Variants in NCK2 observed in about 807,000 individuals in gnomAD.
NCK2 encodes the protein NCK adaptor protein 2, also known as cytoplasmic protein NCK2.
A neutral mutation model predicts 33.9 loss-of-function variants in NCK2; 16 were observed. That is an observed-to-expected ratio of 0.47 (90% CI 0.32 to 0.72). The LOEUF (loss-of-function observed/expected upper bound fraction) is 0.72, where lower values mean the gene tolerates loss of function less well. NCK2 is among the 30% of genes least tolerant of loss of function. The pLI, the probability that NCK2 is intolerant of heterozygous loss-of-function variation, is 0.03. For synonymous variants in NCK2, 273 were observed against 239.9 expected (o/e 1.14, Z -1.27); for missense variants, 418 against 537.3 (o/e 0.78, Z 2.19).
rs2104583015 is a variant in NCK2, at chr2:105,854,944, A to G, written c.-16-104A>G. 3.9e-6 allele frequency: 3 copies of G among 761,962 alleles called. No homozygotes were observed. In the East Asian group the frequency reaches 8.0e-5, roughly 20 times the overall value. 47.2% of individuals were successfully genotyped at this position (761,962 alleles called of 1,614,324 possible). Reference sequence around the variant, plus strand: ...CAAGACCCAGGAGAAAACTGGTTGCAGAGTTGTAATAAAAGCTGTCAGTGC... The same window carrying G: ...CAAGACCCAGGAGAAAACTGGTTGCGGAGTTGTAATAAAAGCTGTCAGTGC... On this transcript the variant is annotated intron_variant, in intron 2 of 4. Transcript: ENST00000233154.
At chr2:105,816,821 G>C (rs1355765710) in intron 2 of NCK2, among the ~76,000 whole-genome samples, 1 of 152,134 alleles carries the variant, frequency 6.6e-6, no homozygotes, top group African/African-American at 2.4e-5. Flanking sequence ...CCAGGAAGCA[G>C]GATGGTAGAC....
At chr2:105,835,854 A>G (rs1391162558) in intron 2 of NCK2, among the ~76,000 whole-genome samples, 1 of 151,588 alleles carries the variant, frequency 6.6e-6, no homozygotes, top group Non-Finnish European at 1.5e-5. Flanking sequence ...TTTGACTAGG[A>G]TATTTCAAAA....
rs558439598 is a variant in NCK2, at chr2:105,813,177, G to A, written c.-200-3253G>A. Among the ~76,000 whole-genome samples, 13 of 152,258 alleles carry A rather than the reference G, an allele frequency of 8.5e-5. No individual in the cohort carries two copies. The East Asian group carries it at 2.3e-3, about 27-fold the overall frequency. ...ATGTATCTCCCAGGGTTGCTGTGAC[G>A]ATTCTTGCAGCTGATGCTAAGGTGA... On this transcript the variant is annotated intron_variant, in intron 1 of 4. Coordinates refer to ENST00000233154, the MANE Select transcript of NCK2 (RefSeq NM_003581.5).
chr2:105,761,884 T>C (rs4851843), intron 1 of NCK2, among the ~76,000 whole-genome samples: 47,398 of 152,158 alleles, frequency 0.31, 7,931 homozygotes, highest in East Asian at 0.47. Flanking sequence ...AAAGACTGAA[T>C]ACAGACATGT....
intron 1 of NCK2, among the ~76,000 whole-genome samples, chr2:105,808,744 A>G (rs1008366809): frequency 6.6e-6 from 1 of 152,244 alleles, no homozygotes; most frequent in Non-Finnish European, 1.5e-5. Context: ...ATTCAAGTAA[A>G]TCAGCTACAG....
chr2:105,798,689 G>C (rs1056223327), intron 1 of NCK2, among the ~76,000 whole-genome samples: 12 of 152,162 alleles, frequency 7.9e-5, no homozygotes, highest in Non-Finnish European at 1.8e-4. Flanking sequence ...TTATGTGGAC[G>C]GTGAATCTCA....
At chr2:105,850,304 A>G (rs1677016848) in intron 2 of NCK2, among the ~76,000 whole-genome samples, 1 of 152,120 alleles carries the variant, frequency 6.6e-6, no homozygotes, top group East Asian at 1.9e-4. Flanking sequence ...GGTTCATAGG[A>G]TTGTCTTTAG....
chr2:105,802,685 T>C (rs773143595), intron 1 of NCK2, among the ~76,000 whole-genome samples: 17 of 152,326 alleles, frequency 1.1e-4, no homozygotes, highest in Non-Finnish European at 2.1e-4. Context: ...GCATGAGGGA[T>C]CCGCCCTCGC....
At chr2:105,775,333 T>C (rs1451768300) in intron 1 of NCK2, among the ~76,000 whole-genome samples, 2 of 152,202 alleles carry the variant, frequency 1.3e-5, no homozygotes, top group African/African-American at 2.4e-5. Flanking sequence ...TGGACATCAG[T>C]AGTTAACTCA....
Position 105,893,185 on chromosome 2 carries a change from C to A in NCK2, c.*9C>A. 1 of 1,573,708 alleles carries A rather than the reference C, an allele frequency of 6.4e-7. No individual in the cohort carries two copies. The highest frequency in any genetic ancestry group is 1.2e-5 in the South Asian group (1 of 86,822). On this transcript the variant is annotated 3_prime_UTR_variant, in exon 5 of 5. Coordinates refer to ENST00000233154, the MANE Select transcript of NCK2 (RefSeq NM_003581.5). Reference sequence around the variant, plus strand: ...TCAGGGCCCTGCAGTGACGGCGCCCCGGCCCCACACTCGCCTCCCGGGCCC... The same window carrying A: ...TCAGGGCCCTGCAGTGACGGCGCCCAGGCCCCACACTCGCCTCCCGGGCCC...
chr2:105,864,828 TACACACACACACACAC>T lies in NCK2; in HGVS notation c.226+9570_226+9585del, dbSNP rs10524426. Among the ~76,000 whole-genome samples the T allele has an allele frequency of 1.0e-2, 1,439 of 144,460 alleles. 20 individuals are homozygous for T. The highest frequency in any genetic ancestry group is 0.027 in the African/African-American group (1,005 of 37,598). The allele number at this position is 144,460 out of a possible 152,430, so 94.8% of individuals were successfully genotyped here. ...GTAACCTCTAGCTCACATGTGCATG[TACACACACACACACAC>T]ACACACACACACACACACACACACA... On this transcript the variant is annotated intron_variant, in intron 3 of 4. Transcript: ENST00000233154.
intron 2 of NCK2, among the ~76,000 whole-genome samples, chr2:105,837,731 T>C (rs989905696): frequency 2.0e-5 from 3 of 152,204 alleles, no homozygotes; most frequent in African/African-American, 7.2e-5. Flanking sequence ...TGATGTGTAT[T>C]CCCATTGATT....
intron 1 of NCK2, among the ~76,000 whole-genome samples, chr2:105,753,058 C>A (rs1689502835): frequency 6.6e-6 from 1 of 152,196 alleles, no homozygotes; most frequent in South Asian, 2.1e-4. Context: ...GTCTTAGGTT[C>A]CACAGCTAGA....
Position 105,881,413 on chromosome 2 carries a change from C to A in NCK2, c.312C>A (p.Ser104Arg), listed in dbSNP as rs767425900. 10 of 1,612,662 alleles carry A rather than the reference C, an allele frequency of 6.2e-6. No homozygotes were observed. The South Asian group carries it at 8.8e-5, about 14-fold the overall frequency. ...ACGCCGAGTACCCCGCCAATGGCAG[C>A]GGCGCCGACCGCATCTACGACCTCA... is the stretch of plus-strand genomic sequence containing the variant. ...STDAEYPANG[S>R]GADRIYDLNI... Residue 104 changes from serine (S) to arginine (R), a missense_variant, in exon 4 of 5, where the codon AGC becomes AGA. By Grantham distance (110) the Ser-to-Arg change is moderately radical. Coordinates refer to ENST00000233154, the MANE Select transcript of NCK2 (RefSeq NM_003581.5).
At chr2:105,807,503 A>G (rs1675094273) in intron 1 of NCK2, among the ~76,000 whole-genome samples, 1 of 152,154 alleles carries the variant, frequency 6.6e-6, no homozygotes, top group Non-Finnish European at 1.5e-5. Context: ...AGAAGTGTAA[A>G]AATGGCATTA....
intron 2 of NCK2, among the ~76,000 whole-genome samples, chr2:105,823,053 C>T (rs1368296623): frequency 1.3e-5 from 2 of 151,820 alleles, no homozygotes; most frequent in African/African-American, 4.9e-5. Context: ...CGCATTGCTG[C>T]AGTTGAGGTT....
At position 105,889,802 on chromosome 2, in the gene NCK2, T is replaced by A. The variant is rs557272577; in HGVS notation, c.949-3180T>A. 2.0e-5 allele frequency among the ~76,000 whole-genome samples: 3 copies of A among 152,228 alleles called. No individual in the cohort carries two copies. In the South Asian group the frequency reaches 6.2e-4, roughly 32 times the overall value. ...GGTCCCACTATGTTGCCCAGGCTGA[T>A]CTCAAAGTCCTGGCCTCAAGTAATC... is the stretch of plus-strand genomic sequence containing the variant. On this transcript the variant is annotated intron_variant, in intron 4 of 4. Coordinates refer to ENST00000233154, the MANE Select transcript of NCK2 (RefSeq NM_003581.5).
chr2:105,844,322 G>C (rs950659791), intron 2 of NCK2, among the ~76,000 whole-genome samples: 1 of 152,142 alleles, frequency 6.6e-6, no homozygotes, highest in African/African-American at 2.4e-5. Flanking sequence ...AAGGACATCT[G>C]AATAAACCAT....
intron 1 of NCK2, among the ~76,000 whole-genome samples, chr2:105,749,667 G>C (rs1689390537): frequency 6.6e-6 from 1 of 152,036 alleles, no homozygotes. Flanking sequence ...TGTCGCAGCT[G>C]TGTGTAGATA....
Sources: gnomAD v4.1 joint callset for allele counts (sites outside exome capture counted in the v4.1 genomes callset) on GRCh38, gnomAD v4.1.1 for gene constraint, MANE v1.5 for transcripts, NCBI Gene and HGNC (gene_info 2026-07-23, HGNC 2026-07-21) for gene names.